The following SLCO3A1 variants were observed in gnomAD, a reference collection of about 807,000 sequenced individuals.
The protein encoded by SLCO3A1 is solute carrier organic anion transporter family member 3A1, also known as PGE1 transporter.
Under a neutral mutation model 63.1 loss-of-function variants are expected in SLCO3A1, and 27 were observed. The ratio of observed to expected loss-of-function variants is 0.43; its 90% CI spans 0.32 to 0.59. The LOEUF is 0.59. SLCO3A1 is among the 20% of genes least tolerant of loss of function. SLCO3A1 has a pLI of 0.09. For synonymous variants in SLCO3A1, 473 were observed against 409.9 expected (o/e 1.15, Z -1.86); for missense variants, 773 against 945.8 (o/e 0.82, Z 2.40).
rs76086457 is a variant in SLCO3A1 at position 92,162,934 on chromosome 15, G to A, written c.1932G>A (p.Thr644=). Reference sequence around the variant, plus strand: ...TCGCCTTCATCCTGTACACCACCACGTGGCAGTGCCTGAGGAAAAACTATA... The same window carrying A: ...TCGCCTTCATCCTGTACACCACCACATGGCAGTGCCTGAGGAAAAACTATA... ...KSFAFILYTT[T]WQCLRKNYKR... The change falls in exon 10 of 10, where the codon ACG becomes ACA. Residue 644 remains threonine, a synonymous_variant. Coordinates refer to ENST00000318445, the MANE Select transcript of SLCO3A1 (RefSeq NM_013272.4). 1.3e-3 allele frequency: 2,039 copies of A among 1,614,156 alleles called. 2 individuals are homozygous for A. The highest frequency in any genetic ancestry group is 1.3e-3 in the Non-Finnish European group (1,513 of 1,180,036).
At chr15:91,943,832 G>C (rs946180900) in intron 2 of SLCO3A1, among the ~76,000 whole-genome samples, 7 of 152,166 alleles carry the variant, frequency 4.6e-5, no homozygotes, top group Admixed American at 4.6e-4. Flanking sequence ...CCTCTCCCCA[G>C]AGGCCAGCTC....
chr15:92,062,072 T>A (rs2047093463), intron 2 of SLCO3A1, among the ~76,000 whole-genome samples: 1 of 152,172 alleles, frequency 6.6e-6, no homozygotes, highest in Non-Finnish European at 1.5e-5. Flanking sequence ...GGAGGCCTTG[T>A]CAAAACAGGA....
chr15:91,984,390 CT>C (rs1181424372), intron 2 of SLCO3A1, among the ~76,000 whole-genome samples: 2 of 152,270 alleles, frequency 1.3e-5, no homozygotes, highest in Admixed American at 6.5e-5. Context: ...ACAAATAATT[CT>C]AAAAGTTGAG....
At chr15:92,071,245 C>A (rs2047212443) in intron 2 of SLCO3A1, among the ~76,000 whole-genome samples, 1 of 152,154 alleles carries the variant, frequency 6.6e-6, no homozygotes, top group Non-Finnish European at 1.5e-5. Context: ...GCATGCGAGG[C>A]CGGTGCCTGC....
chr15:92,053,180 C>G (rs2046978653), intron 2 of SLCO3A1, among the ~76,000 whole-genome samples: 1 of 152,168 alleles, frequency 6.6e-6, no homozygotes, highest in South Asian at 2.1e-4. Context: ...AGGACCAGCA[C>G]AGTCTTCTCA....
intron 2 of SLCO3A1, among the ~76,000 whole-genome samples, chr15:92,025,039 A>C (rs112585330): frequency 0.013 from 1,976 of 152,044 alleles, 44 homozygotes; most frequent in African/African-American, 0.045. Flanking sequence ...CTATCCATCC[A>C]TGCATCTATC....
intron 9 of SLCO3A1, among the ~76,000 whole-genome samples, chr15:92,156,893 C>T (rs2048377878): frequency 6.6e-6 from 1 of 152,152 alleles, no homozygotes; most frequent in Non-Finnish European, 1.5e-5. Flanking sequence ...CCTTTCAGTT[C>T]ACCTTTTAAG....
Position 92,164,960 on chromosome 15 carries a change from C to T in SLCO3A1, c.*1825C>T, listed in dbSNP as rs2048481080. 1 of 967,674 alleles carries T rather than the reference C, an allele frequency of 1.0e-6. No homozygotes were observed. The highest frequency in any genetic ancestry group is 1.2e-6 in the Non-Finnish European group (1 of 823,238). 59.9% of individuals were successfully genotyped at this position (967,674 alleles called of 1,614,324 possible). A position where few individuals can be genotyped will look rare whatever the true frequency, so the allele number is the denominator to read the frequency against. ...CACATTCCTGGCGCTGGAAAAAAAA[C>T]TCAAAGGTTGATTGGTTTGCTTTTT... On this transcript the variant is annotated 3_prime_UTR_variant, in exon 10 of 10. Coordinates refer to ENST00000318445, the MANE Select transcript of SLCO3A1 (RefSeq NM_013272.4).
intron 2 of SLCO3A1, among the ~76,000 whole-genome samples, chr15:91,921,227 C>T (rs1344057987): frequency 1.3e-5 from 2 of 152,222 alleles, no homozygotes; most frequent in Non-Finnish European, 2.9e-5. Flanking sequence ...ATACACATCC[C>T]TGGTCTCTCT....
intron 1 of SLCO3A1, among the ~76,000 whole-genome samples, chr15:91,871,737 T>C (rs898453031): frequency 1.1e-4 from 16 of 143,992 alleles, no homozygotes; most frequent in South Asian, 2.3e-4. Context: ...TTTATGACAC[T>C]GGGGTGTGCT....
chr15:91,965,332 G>A (rs138371990), intron 2 of SLCO3A1, among the ~76,000 whole-genome samples: 13 of 152,162 alleles, frequency 8.5e-5, no homozygotes, highest in East Asian at 3.8e-4. Flanking sequence ...TGGATGTCCC[G>A]TAATGATTTA....
At chr15:92,048,995 G>C (rs193052707) in intron 2 of SLCO3A1, among the ~76,000 whole-genome samples, 1 of 152,342 alleles carries the variant, frequency 6.6e-6, no homozygotes, top group East Asian at 1.9e-4. Flanking sequence ...TTTTACAGAT[G>C]AGGCAGCCAA....
chr15:92,030,100 C>CCATAG (rs1366588172), intron 2 of SLCO3A1, among the ~76,000 whole-genome samples: 7 of 152,210 alleles, frequency 4.6e-5, no homozygotes, highest in African/African-American at 1.7e-4. Flanking sequence ...CACGTTCCTA[C>CCATAG]CATAGCATAG....
intron 5 of SLCO3A1, among the ~76,000 whole-genome samples, chr15:92,123,372 A>C (rs1170567593): frequency 6.6e-6 from 1 of 152,140 alleles, no homozygotes; most frequent in African/African-American, 2.4e-5. Flanking sequence ...GCGCCATTGC[A>C]CTCCAGCCTG....
rs2048474007 is a variant in SLCO3A1 at position 92,164,207 on chromosome 15, C to T, written c.*1072C>T. 1.1e-5 allele frequency: 11 copies of T among 984,810 alleles called. No individual in the cohort carries two copies. The highest frequency in any genetic ancestry group is 1.3e-5 in the Non-Finnish European group (11 of 829,742). The allele number at this position is 984,810 out of a possible 1,614,324, so 61.0% of individuals were successfully genotyped here. A position where few individuals can be genotyped will look rare whatever the true frequency, so the allele number is the denominator to read the frequency against. On this transcript the variant is annotated 3_prime_UTR_variant, in exon 10 of 10. Coordinates refer to ENST00000318445, the MANE Select transcript of SLCO3A1 (RefSeq NM_013272.4). ...ACTTTTTTTCTCCTTTTTTAATGCA[C>T]CAAAAATATGTGATACAAGGGATGC...
At position 91,981,727 on chromosome 15, in the gene SLCO3A1, C is replaced by T. The variant is rs541657734; in HGVS notation, c.646+65269C>T. Among the ~76,000 whole-genome samples the T allele has an allele frequency of 2.6e-5, 4 of 152,298 alleles. No individual in the cohort carries two copies. In the South Asian group the frequency reaches 8.3e-4, roughly 32 times the overall value. On this transcript the variant is annotated intron_variant, in intron 2 of 9. Coordinates refer to ENST00000318445, the MANE Select transcript of SLCO3A1 (RefSeq NM_013272.4). ...TGTATCCCTCCTTGTCTGGCTCTCT[C>T]AATTTTTTCTTGTTGGAAAGGTTGT... is the stretch of plus-strand genomic sequence containing the variant.
chr15:92,020,217 CTATATATACACACACACACACTA>C (rs779856851), intron 2 of SLCO3A1, among the ~76,000 whole-genome samples: 2 of 143,002 alleles, frequency 1.4e-5, no homozygotes, highest in African/African-American at 2.7e-5. Context: ...CACACACACA[CTATATATACACACACACACACTA>C]TATATATATG....
chr15:92,158,855 A>C (rs1337708265), intron 9 of SLCO3A1, among the ~76,000 whole-genome samples: 4 of 152,250 alleles, frequency 2.6e-5, no homozygotes, highest in Non-Finnish European at 5.9e-5. Flanking sequence ...TTTTAAGTGA[A>C]TAAAAAGGAA....
At chr15:91,906,950 A>T (rs765741857) in intron 1 of SLCO3A1, among the ~76,000 whole-genome samples, 14 of 152,026 alleles carry the variant, frequency 9.2e-5, no homozygotes, top group Non-Finnish European at 1.8e-4. Flanking sequence ...TTAAAGAGAC[A>T]ATCATGAAAT....
Sources: gnomAD v4.1 joint callset for allele counts (sites outside exome capture counted in the v4.1 genomes callset) on GRCh38, gnomAD v4.1.1 for gene constraint, MANE v1.5 for transcripts, NCBI Gene and HGNC (gene_info 2026-07-23, HGNC 2026-07-21) for gene names.